Variants in GRIP1 observed in about 807,000 individuals in gnomAD.
GRIP1 encodes glutamate receptor interacting protein 1.
GRIP1 carries 45 observed loss-of-function variants against 129.9 expected under a neutral mutation model. The ratio of observed to expected loss-of-function variants is 0.35; its 90% CI spans 0.27 to 0.44. The LOEUF (loss-of-function observed/expected upper bound fraction) is 0.44. GRIP1 is among the 20% of genes least tolerant of loss of function. The pLI is 1.00. For synonymous variants in GRIP1, 530 were observed against 520.8 expected, an observed-to-expected ratio of 1.02 and a Z score of -0.24; for missense variants, 1,196 against 1,396.8, an observed-to-expected ratio of 0.86 and a Z score of 2.29.
chr12:66,747,899 G>A (rs1416303918), intron 1 of GRIP1, among the ~76,000 whole-genome samples: 2 of 151,888 alleles, frequency 1.3e-5, no homozygotes, highest in Non-Finnish European at 1.5e-5. Flanking sequence ...CACGTAATAC[G>A]GATTCAGAGA....
intron 1 of GRIP1, among the ~76,000 whole-genome samples, chr12:66,925,175 C>T (rs555615829): frequency 3.3e-5 from 5 of 151,998 alleles, no homozygotes; most frequent in Admixed American, 2.6e-4. Flanking sequence ...AGAAACAACA[C>T]GAAAAGAATT....
chr12:66,794,929 C>T (rs2038652475), intron 1 of GRIP1, among the ~76,000 whole-genome samples: 1 of 152,166 alleles, frequency 6.6e-6, no homozygotes. Context: ...CCCAATTCTA[C>T]TTCAATAATG....
At chr12:66,394,012 T>C (rs549989968) in intron 17 of GRIP1, among the ~76,000 whole-genome samples, 196 bp downstream of exon 17, 76 of 152,278 alleles carry the variant, frequency 5.0e-4, no homozygotes, top group Non-Finnish European at 8.8e-4. Context: ...CAAGACGTCT[T>C]TTACTGCCTG....
intron 22 of GRIP1, among the ~76,000 whole-genome samples, chr12:66,374,090 C>A (rs952026832): frequency 6.6e-6 from 1 of 152,086 alleles, no homozygotes; most frequent in East Asian, 1.9e-4. Flanking sequence ...AGATAAATAC[C>A]CTTTTTAAGT....
chr12:66,693,169 T>C (rs1374065456), intron 1 of GRIP1, among the ~76,000 whole-genome samples: 1 of 152,174 alleles, frequency 6.6e-6, no homozygotes, highest in Non-Finnish European at 1.5e-5. Context: ...AGCTTATGAA[T>C]GACAGGGTGA....
intron 14 of GRIP1, among the ~76,000 whole-genome samples, chr12:66,425,593 C>A (rs932567527): frequency 6.6e-6 from 1 of 152,110 alleles, no homozygotes; most frequent in Non-Finnish European, 1.5e-5. Flanking sequence ...CAAAGATAGA[C>A]TGGATTAAGA....
intron 24 of GRIP1, among the ~76,000 whole-genome samples, chr12:66,350,863 C>T (rs1565654979): frequency 6.6e-6 from 1 of 152,190 alleles, no homozygotes; most frequent in Non-Finnish European, 1.5e-5. Flanking sequence ...TATCATTATC[C>T]TGCTTAAGAA....
At chr12:66,586,015 A>G (rs2063618416) in intron 2 of GRIP1, among the ~76,000 whole-genome samples, 1 of 152,148 alleles carries the variant, frequency 6.6e-6, no homozygotes, top group Non-Finnish European at 1.5e-5. Context: ...GCACACGAAC[A>G]TGCTGCATCC....
chr12:66,529,031 CAT>C (rs537731325), intron 5 of GRIP1, among the ~76,000 whole-genome samples: 195 of 152,096 alleles, frequency 1.3e-3, no homozygotes, highest in Non-Finnish European at 1.8e-3. Context: ...GGCCAACAAA[CAT>C]ATGAAAAAAT....
intron 1 of GRIP1, among the ~76,000 whole-genome samples, chr12:66,715,471 T>TGTGAGAGAGAGAGAGAGA (rs761155485): frequency 9.1e-6 from 1 of 110,058 alleles, no homozygotes; most frequent in African/African-American, 3.4e-5. Context: ...TGTGTGTGTG[T>TGTGAGAGAGAGAGAGAGA]GAGAGAGAGA....
chr12:66,659,248 C>A (rs1363630621), intron 1 of GRIP1, among the ~76,000 whole-genome samples: 1 of 152,218 alleles, frequency 6.6e-6, no homozygotes, highest in East Asian at 1.9e-4. Context: ...TGTTAACTTT[C>A]TGCATAACAT....
At chr12:66,991,722 A>G (rs1479651097) in intron 1 of GRIP1, among the ~76,000 whole-genome samples, 1 of 152,214 alleles carries the variant, frequency 6.6e-6, no homozygotes, top group East Asian at 1.9e-4. Flanking sequence ...GGTGATATAA[A>G]AGCAGTGTAA....
Position 66,353,555 on chromosome 12 carries a change from C to G in GRIP1, c.3021G>C (p.Leu1007Phe), listed in dbSNP as rs757273519. 1 of 1,613,832 alleles carries G rather than the reference C, an allele frequency of 6.2e-7. No individual in the cohort carries two copies. Residue 1007 changes from leucine (L) to phenylalanine (F), a missense_variant, in exon 24 of 25, where the codon TTG becomes TTC. By Grantham distance (22) the Leu-to-Phe change is conservative. Coordinates refer to ENST00000359742, the MANE Select transcript of GRIP1 (RefSeq NM_001366722.1). ...AGTCCTCCATGTCAGAGTCCTTGTA[C>G]AAGGTCACCTGAAGAGAGAAAATGG... ...PTPVELHKVT[L>F]YKDSDMEDFG...
chr12:66,854,470 T>C (rs1478166419), intron 1 of GRIP1, among the ~76,000 whole-genome samples: 1 of 148,454 alleles, frequency 6.7e-6, no homozygotes. Context: ...TTAGTTACTC[T>C]AGGAATGGTG....
At chr12:66,441,563 G>T (rs1409687704) in intron 13 of GRIP1, among the ~76,000 whole-genome samples, 2 of 152,094 alleles carry the variant, frequency 1.3e-5, no homozygotes, top group African/African-American at 4.8e-5. Flanking sequence ...CACAAATTTG[G>T]CAAGTCTATT....
intron 1 of GRIP1, among the ~76,000 whole-genome samples, chr12:66,781,807 C>G (rs1006686810): frequency 5.9e-5 from 9 of 152,072 alleles, no homozygotes; most frequent in African/African-American, 2.2e-4. Flanking sequence ...TAATCAGAAA[C>G]CTTCTTAGGT....
chr12:66,671,032 G>C (rs1440722052), intron 1 of GRIP1, among the ~76,000 whole-genome samples: 2 of 152,000 alleles, frequency 1.3e-5, no homozygotes, highest in African/African-American at 4.8e-5. Flanking sequence ...AGTCACCTGG[G>C]GAATGTGTTA....
At chr12:66,414,584 G>GA (rs34147393) in intron 15 of GRIP1, among the ~76,000 whole-genome samples, 1 of 151,724 alleles carries the variant, frequency 6.6e-6, no homozygotes, top group Non-Finnish European at 1.5e-5. Context: ...TGCAGAATTA[G>GA]AAAAAAACTA....
At chr12:66,916,742 G>A (rs2041129690) in intron 1 of GRIP1, among the ~76,000 whole-genome samples, 1 of 151,702 alleles carries the variant, frequency 6.6e-6, no homozygotes, top group Admixed American at 6.6e-5. Flanking sequence ...AAACAGCCAA[G>A]AAAGTCCAGG....
Sources: gnomAD v4.1 joint callset for allele counts (sites outside exome capture counted in the v4.1 genomes callset) on GRCh38, gnomAD v4.1.1 for gene constraint, MANE v1.5 for transcripts, NCBI Gene and HGNC (gene_info 2026-07-23, HGNC 2026-07-21) for gene names.